The following FAP variants were observed in gnomAD, a reference collection of about 807,000 sequenced individuals.
The protein encoded by FAP is fibroblast activation protein alpha, also known as prolyl endopeptidase FAP.
A neutral mutation model predicts 126.5 loss-of-function variants in FAP; 110 were observed. The observed-to-expected ratio is 0.87, with a 90% CI of 0.74 to 1.02. The LOEUF (loss-of-function observed/expected upper bound fraction) is 1.02. FAP is among the 50% of genes least tolerant of loss of function. The probability of loss-of-function intolerance (pLI) is 0.00; values close to 1 mark genes in which losing one functional copy is unlikely to be tolerated. For missense variants in FAP, 919 were observed against 909.2 expected (o/e 1.01, Z -0.14); for synonymous variants, 334 against 297.3 (o/e 1.12, Z -1.27).
rs767497788 is a variant in FAP at position 162,174,952 on chromosome 2, G to A, written c.1884C>T (p.Tyr628=). The change falls in exon 22 of 26, where the codon TAC becomes TAT. Residue 628 remains tyrosine (Y), a synonymous_variant. Coordinates refer to ENST00000188790, the MANE Select transcript of FAP (RefSeq NM_004460.5). ...CAGATGCAAGGGCCAGTGATGAAAC[G>A]TATCCTCCATAGGACTGTAGAGACA... is the stretch of plus-strand genomic sequence containing the variant. ...IAIWGWSYGG[Y]VSSLALASGT... is the part of the protein sequence containing the mutation. 38 of 1,611,146 alleles carry A rather than the reference G, an allele frequency of 2.4e-5. No individual in the cohort carries two copies. The highest frequency in any genetic ancestry group is 6.7e-5 in the East Asian group (3 of 44,812).
At chr2:162,172,770 G>A in intron 25 of FAP, 41 bp downstream of exon 25, 1 of 1,329,886 alleles carries the variant, frequency 7.5e-7, no homozygotes, top group East Asian at 2.3e-5. Flanking sequence ...TTTAGCTTGA[G>A]GGTCTAAGGC....
intron 25 of FAP, chr2:162,171,517 T>C (rs942227075): frequency 1.7e-4 from 29 of 166,540 alleles, no homozygotes; most frequent in Non-Finnish European, 3.2e-4. Flanking sequence ...TTCCTCTCTG[T>C]TGCAGAAAAT....
chr2:162,232,962 T>C (rs1689956608), intron 2 of FAP, among the ~76,000 whole-genome samples: 1 of 152,174 alleles, frequency 6.6e-6, no homozygotes, highest in Non-Finnish European at 1.5e-5. Context: ...TTGGCATGGC[T>C]GTTACTGCTT....
At chr2:162,206,221 TGTTCTGA>T (rs1442118587) in intron 12 of FAP, among the ~76,000 whole-genome samples, 1 of 152,162 alleles carries the variant, frequency 6.6e-6, no homozygotes, top group Admixed American at 6.5e-5. Flanking sequence ...GCCCATAAAG[TGTTCTGA>T]GTTAAGTGCT....
At chr2:162,203,807 G>A (rs753046917) in intron 12 of FAP, among the ~76,000 whole-genome samples, 3 of 152,124 alleles carry the variant, frequency 2.0e-5, no homozygotes, top group Non-Finnish European at 4.4e-5. Flanking sequence ...CCTAAGGTAC[G>A]CTAGGCTCTT....
At chr2:162,235,974 G>A (rs186096287) in intron 2 of FAP, among the ~76,000 whole-genome samples, 162 of 152,196 alleles carry the variant, frequency 1.1e-3, no homozygotes, top group African/African-American at 3.6e-3. Context: ...TGATAAGGTT[G>A]GGGAATTCCT....
intron 9 of FAP, among the ~76,000 whole-genome samples, chr2:162,217,158 G>A (rs975429072): frequency 2.6e-5 from 4 of 152,164 alleles, no homozygotes; most frequent in African/African-American, 9.7e-5. Flanking sequence ...ATTCACTTGT[G>A]TGTATACCAC....
chr2:162,203,686 G>T (rs1169757155), intron 12 of FAP, among the ~76,000 whole-genome samples: 2 of 152,102 alleles, frequency 1.3e-5, no homozygotes, highest in African/African-American at 4.8e-5. Flanking sequence ...GCCTATGTTG[G>T]GGGAGGTTTA....
At chr2:162,241,602 G>A (rs997439366) in intron 2 of FAP, among the ~76,000 whole-genome samples, 1 of 152,084 alleles carries the variant, frequency 6.6e-6, no homozygotes, top group East Asian at 1.9e-4. Flanking sequence ...TTAAAAATCA[G>A]GAGCTAATTT....
At chr2:162,215,360 T>C (rs1689121980) in intron 10 of FAP, among the ~76,000 whole-genome samples, 1 of 152,194 alleles carries the variant, frequency 6.6e-6, no homozygotes, top group Non-Finnish European at 1.5e-5. Context: ...GTCACTGTAT[T>C]CTGGACTAGT....
At chr2:162,218,604 AATAG>A (rs1436250089) in intron 8 of FAP, among the ~76,000 whole-genome samples, 3 of 144,040 alleles carry the variant, frequency 2.1e-5, no homozygotes, top group East Asian at 2.0e-4. Flanking sequence ...TAGATAGATA[AATAG>A]ATAGAGACTA....
chr2:162,234,233 C>T (rs1690013847), intron 2 of FAP, among the ~76,000 whole-genome samples: 1 of 152,022 alleles, frequency 6.6e-6, no homozygotes, highest in African/African-American at 2.4e-5. Context: ...TAGTCACTTT[C>T]TGCAAAAAAA....
In FAP at chr2:162,198,119, C is replaced by T. The variant is rs980873617; in HGVS notation, c.1402+638G>A. The T allele has an allele frequency of 5.8e-6, 7 of 1,198,846 alleles. No individual in the cohort carries two copies. In the African/African-American group the frequency reaches 1.1e-4, roughly 19 times the overall value. 74.3% of individuals were successfully genotyped at this position (1,198,846 alleles called of 1,614,324 possible). On this transcript the variant is annotated intron_variant, in intron 16 of 25. Coordinates refer to ENST00000188790, the MANE Select transcript of FAP (RefSeq NM_004460.5). ...TTAAATGTACGTATGTCCTAAACAA[C>T]CAGGAAATGTTTTGTAGATTTTATT...
At chr2:162,209,853 A>T in intron 12 of FAP, 99 bp downstream of exon 12, 1 of 1,034,972 alleles carries the variant, frequency 9.7e-7, no homozygotes, top group Non-Finnish European at 1.5e-6. Context: ...TTCTATGAAA[A>T]TAAGTAGTGC....
At chr2:162,199,148 G>A (rs898579495) in intron 15 of FAP, among the ~76,000 whole-genome samples, 1 of 152,202 alleles carries the variant, frequency 6.6e-6, no homozygotes, top group East Asian at 1.9e-4. Context: ...ACCTCAAATG[G>A]CAGTGAGGTA....
At chr2:162,194,214 C>T (rs1191970299) in intron 17 of FAP, 1 of 152,398 alleles carries the variant, frequency 6.6e-6, no homozygotes, top group African/African-American at 2.4e-5. Flanking sequence ...GTGACAGTCA[C>T]CCTCTGCTCT....
intron 2 of FAP, among the ~76,000 whole-genome samples, chr2:162,237,907 G>T (rs1180799478): frequency 1.3e-5 from 2 of 152,110 alleles, no homozygotes; most frequent in Non-Finnish European, 2.9e-5. Context: ...GCATGAGATG[G>T]TATCTCATTT....
chr2:162,188,557 A>G (rs1021655574), intron 19 of FAP, among the ~76,000 whole-genome samples, 194 bp from the exon 20 acceptor site: 1 of 152,042 alleles, frequency 6.6e-6, no homozygotes, highest in African/African-American at 2.4e-5. Context: ...GTTTTGGGAC[A>G]CAGCCTCTCC....
intron 19 of FAP, among the ~76,000 whole-genome samples, chr2:162,188,756 TC>T (rs1248893650): frequency 6.6e-6 from 1 of 152,100 alleles, no homozygotes; most frequent in Admixed American, 6.6e-5. Flanking sequence ...TGTATTCTAT[TC>T]CTTTATTTCA....
Sources: allele counts gnomAD v4.1 joint callset (sites outside exome capture counted in the v4.1 genomes callset), GRCh38; gene constraint gnomAD v4.1.1; transcripts MANE v1.5; gene names NCBI Gene and HGNC (gene_info 2026-07-23, HGNC 2026-07-21).